WBP1L: variants seen among roughly 807,000 people sequenced by gnomAD.
WBP1L encodes the protein WW domain binding protein 1 like.
WBP1L carries 17 observed loss-of-function variants against 33.7 expected under a neutral mutation model. That is an observed-to-expected ratio of 0.50 (90% CI 0.34 to 0.76). The LOEUF (loss-of-function observed/expected upper bound fraction) is 0.76, where lower values mean the gene tolerates loss of function less well. Ranked by LOEUF, WBP1L falls within the 30% of genes least tolerant of loss-of-function variation. The pLI is 0.01. For missense variants in WBP1L, 389 were observed against 469.4 expected (o/e 0.83, Z 1.58); for synonymous variants, 173 against 190.8 (o/e 0.91, Z 0.77).
At chr10:102,787,123 C>T (rs1237087610) in intron 1 of WBP1L, among the ~76,000 whole-genome samples, 2 of 152,182 alleles carry the variant, frequency 1.3e-5, no homozygotes, top group Non-Finnish European at 2.9e-5. Context: ...TTCCTAGTGT[C>T]CCATTGCATG....
intron 2 of WBP1L, among the ~76,000 whole-genome samples, chr10:102,804,310 C>T (rs1472037048): frequency 2.0e-5 from 3 of 149,052 alleles, no homozygotes; most frequent in African/African-American, 7.5e-5. Flanking sequence ...TTCGTTTGAA[C>T]CCGAGAGGCG....
chr10:102,768,107 G>T (rs1230431780), intron 1 of WBP1L, among the ~76,000 whole-genome samples: 1 of 152,104 alleles, frequency 6.6e-6, no homozygotes, highest in Non-Finnish European at 1.5e-5. Context: ...TTCTTGCTCT[G>T]TTGCCCAGGC....
At chr10:102,755,241 C>G (rs1474487984) in intron 1 of WBP1L, among the ~76,000 whole-genome samples, 1 of 151,926 alleles carries the variant, frequency 6.6e-6, no homozygotes, top group African/African-American at 2.4e-5. Flanking sequence ...GCCACCGCAC[C>G]TGGCCTTGTT....
chr10:102,773,059 A>T (rs572052056), intron 1 of WBP1L, among the ~76,000 whole-genome samples: 2 of 152,192 alleles, frequency 1.3e-5, no homozygotes, highest in East Asian at 3.9e-4. Flanking sequence ...GATCACGTAC[A>T]TAGGAGAACC....
At position 102,814,998 on chromosome 10, in the gene WBP1L, A is replaced by T. The variant is rs1276861833; in HGVS notation, c.*1667A>T. ...GTTGAACAAAGTTAAGTCCGTACAC[A>T]GTGACTTTTTGGGTGAGCCGTGTGT... On this transcript the variant is annotated 3_prime_UTR_variant, in exon 4 of 4. Transcript: ENST00000448841. 1 of 152,566 alleles carries T rather than the reference A, an allele frequency of 6.6e-6. No individual in the cohort carries two copies. The highest frequency in any genetic ancestry group is 1.5e-5 in the Non-Finnish European group (1 of 68,018). The allele number at this position is 152,566 out of a possible 1,614,324, so 9.5% of individuals were successfully genotyped here.
intron 1 of WBP1L, among the ~76,000 whole-genome samples, chr10:102,763,874 C>T (rs539112218): frequency 9.9e-5 from 15 of 152,206 alleles, no homozygotes; most frequent in African/African-American, 2.2e-4. Flanking sequence ...AGTGCAGTGG[C>T]GCGATCTCGA....
Position 102,743,977 on chromosome 10 carries a change from G to A in WBP1L, c.-77G>A, listed in dbSNP as rs895281475. On this transcript the variant is annotated 5_prime_UTR_variant, in exon 1 of 4. Coordinates refer to ENST00000448841, the MANE Select transcript of WBP1L (RefSeq NM_001083913.2). ...AACAGGAAAAGAAGGGAAGAAGGAA[G>A]AAGAGGGTAGAGGAGGAGAGGGAGG... 56 of 1,107,116 alleles carry A rather than the reference G, an allele frequency of 5.1e-5. No homozygotes were observed. Among genetic ancestry groups the A allele is most frequent in the Non-Finnish European group, 6.3e-5 (48 of 764,880 alleles). 68.6% of individuals were successfully genotyped at this position (1,107,116 alleles called of 1,614,324 possible).
intron 1 of WBP1L, among the ~76,000 whole-genome samples, chr10:102,778,450 T>A (rs1843295162): frequency 6.6e-6 from 1 of 152,162 alleles, no homozygotes; most frequent in Non-Finnish European, 1.5e-5. Flanking sequence ...AGTGAGAGAA[T>A]GAAGCAGTGG....
chr10:102,808,357 CATTA>C (rs1354908393), intron 2 of WBP1L, among the ~76,000 whole-genome samples: 1 of 151,830 alleles, frequency 6.6e-6, no homozygotes, highest in Non-Finnish European at 1.5e-5. Flanking sequence ...CAAAATTCCT[CATTA>C]ATTAAAAAAA....
At chr10:102,805,431 A>T (rs1843717302) in intron 2 of WBP1L, among the ~76,000 whole-genome samples, 1 of 151,276 alleles carries the variant, frequency 6.6e-6, no homozygotes, top group South Asian at 2.1e-4. Context: ...GTAGAGTTAG[A>T]TGCTGGCTAT....
chr10:102,758,845 T>C (rs1420804418), intron 1 of WBP1L, among the ~76,000 whole-genome samples: 1 of 152,174 alleles, frequency 6.6e-6, no homozygotes. Context: ...AGGGGGCCCT[T>C]CCTTTTAGGT....
chr10:102,784,829 G>A (rs1167567010), intron 1 of WBP1L, among the ~76,000 whole-genome samples: 1 of 151,758 alleles, frequency 6.6e-6, no homozygotes, highest in Non-Finnish European at 1.5e-5. Flanking sequence ...CCAAAGTGCT[G>A]GGATTGTAGG....
Position 102,743,980 on chromosome 10 carries a change from G to A in WBP1L, c.-74G>A, listed in dbSNP as rs773065189. 7 of 1,102,990 alleles carry A rather than the reference G, an allele frequency of 6.3e-6. No homozygotes were observed. The highest frequency in any genetic ancestry group is 1.6e-5 in the African/African-American group (1 of 63,124). The allele number at this position is 1,102,990 out of a possible 1,614,324, so 68.3% of individuals were successfully genotyped here. ...AGGAAAAGAAGGGAAGAAGGAAGAA[G>A]AGGGTAGAGGAGGAGAGGGAGGAGG... is the stretch of plus-strand genomic sequence containing the variant. On this transcript the variant is annotated 5_prime_UTR_variant, in exon 1 of 4. Transcript: ENST00000448841.
intron 2 of WBP1L, among the ~76,000 whole-genome samples, chr10:102,806,848 C>G (rs1322403551): frequency 6.6e-6 from 1 of 152,094 alleles, no homozygotes; most frequent in Non-Finnish European, 1.5e-5. Context: ...GGGGGCATTC[C>G]AGGGGGACAG....
At chr10:102,744,344 A>G (rs941584665) in intron 1 of WBP1L, 2 of 979,584 alleles carry the variant, frequency 2.0e-6, no homozygotes, top group African/African-American at 1.8e-5. Context: ...GAGGTGGCAG[A>G]GGCATGATGC....
chr10:102,813,406 G>A lies in WBP1L; in HGVS notation c.*75G>A. The A allele has an allele frequency of 2.0e-6, 3 of 1,487,400 alleles. No individual in the cohort carries two copies. The highest frequency in any genetic ancestry group is 2.7e-6 in the Non-Finnish European group (3 of 1,120,764). The allele number at this position is 1,487,400 out of a possible 1,614,324, so 92.1% of individuals were successfully genotyped here. The stretch of plus-strand genomic sequence containing the variant: ...GAGAACCACGAGAGAAGCATTAAGT[G>A]ACTTTCAAAGACTTTCAGAGTACAG... On this transcript the variant is annotated 3_prime_UTR_variant, in exon 4 of 4. Coordinates refer to ENST00000448841, the MANE Select transcript of WBP1L (RefSeq NM_001083913.2).
chr10:102,773,573 A>T (rs777553759), intron 1 of WBP1L, among the ~76,000 whole-genome samples: 1 of 151,970 alleles, frequency 6.6e-6, no homozygotes, highest in African/African-American at 2.4e-5. Context: ...CACTTCTGAG[A>T]TCATCACTGA....
chr10:102,802,625 A>C (rs1843674352), intron 2 of WBP1L, among the ~76,000 whole-genome samples: 1 of 151,950 alleles, frequency 6.6e-6, no homozygotes, highest in African/African-American at 2.4e-5. Context: ...CCTCCCAAAT[A>C]GCTGGAATTA....
In WBP1L at chr10:102,812,858, C is replaced by G. The variant is rs200696837; in HGVS notation, c.619C>G (p.Arg207Gly). Residue 207 changes from arginine (R) to glycine (G), a missense_variant, in exon 4 of 4, where the codon CGA (arginine) becomes GGA (glycine). Coordinates refer to ENST00000448841, the MANE Select transcript of WBP1L (RefSeq NM_001083913.2). ...DPDPSDLPVD[R>G]AATKAPGMEP... ...TGATCCCTCTGACCTACCAGTTGAC[C>G]GAGCAGCCACCAAAGCCCCAGGGAT... 4.5e-6 allele frequency: 7 copies of G among 1,571,768 alleles called. No individual in the cohort carries two copies. The East Asian group carries it at 1.3e-4, about 30-fold the overall frequency.
Sources: gnomAD v4.1 joint callset for allele counts (sites outside exome capture counted in the v4.1 genomes callset) on GRCh38, gnomAD v4.1.1 for gene constraint, MANE v1.5 for transcripts, NCBI Gene and HGNC (gene_info 2026-07-23, HGNC 2026-07-21) for gene names.